Variants in GGT1 observed in about 807,000 individuals in gnomAD.
GGT1 encodes the protein gamma-glutamyltransferase 1.
GGT1 carries 21 observed loss-of-function variants against 56.0 expected under a neutral mutation model. The observed-to-expected ratio is 0.38, with a 90% confidence interval of 0.27 to 0.54. The LOEUF (loss-of-function observed/expected upper bound fraction) is 0.54, where lower values mean the gene tolerates loss of function less well. Ranked by LOEUF, GGT1 falls within the 20% of genes least tolerant of loss-of-function variation. GGT1 has a pLI of 0.82. For synonymous variants in GGT1, 238 were observed against 342.6 expected, an observed-to-expected ratio of 0.69 and a Z score of 3.37; for missense variants, 466 against 787.0, an observed-to-expected ratio of 0.59 and a Z score of 4.88.
chr22:24,588,122 C>T, the GGT1 span: 14 of 1,023,398 alleles, frequency 1.4e-5, no homozygotes, highest in East Asian at 3.5e-4. Flanking sequence ...GGTGGGATTT[C>T]AGCACCAGCC....
At chr22:24,606,261 A>G (rs2877225) in intron 1 of GGT1, among the ~76,000 whole-genome samples, 2 of 150,486 alleles carry the variant, frequency 1.3e-5, no homozygotes, top group Non-Finnish European at 2.9e-5. Flanking sequence ...TACATTAGGT[A>G]TATCTCCTAA....
At chr22:24,592,939 C>A, upstream of GGT1, 1 of 1,232,748 alleles carries the variant, frequency 8.1e-7, no homozygotes, top group Non-Finnish European at 1.0e-6. Context: ...CTCGCGGAGC[C>A]ACCGCACCCG....
At chr22:24,612,238 C>CT (rs1197575914) in intron 5 of GGT1, among the ~76,000 whole-genome samples, 1 of 124,224 alleles carries the variant, frequency 8.0e-6, no homozygotes, top group Non-Finnish European at 1.7e-5. Context: ...CCACGCCCGG[C>CT]TTATTCTTTT....
At chr22:24,589,367 G>A in the GGT1 span, 37 of 1,127,692 alleles carry the variant, frequency 3.3e-5, no homozygotes, top group East Asian at 1.8e-4. Context: ...GCACCCGTCC[G>A]CAAGGGTGTC....
In GGT1 at chr22:24,621,821, C is replaced by T. The variant is rs370192967; in HGVS notation, c.733+751C>T. On this transcript the variant is annotated intron_variant, in intron 9 of 15. Coordinates refer to ENST00000400382, the MANE Select transcript of GGT1 (RefSeq NM_001288833.2). The stretch of plus-strand genomic sequence containing the variant: ...ATCCCAGCACTTTGGGAGGCCGAGG[C>T]GGGTGGATCACCTGAGGTCAGGAGT... Among the ~76,000 whole-genome samples the T allele has an allele frequency of 7.3e-4, 111 of 151,490 alleles. 1 individual carries two copies. Among genetic ancestry groups the T allele is most frequent in the African/African-American group, 2.5e-3 (103 of 41,258 alleles).
At chr22:24,609,173 C>T (rs1160666431) in intron 2 of GGT1, 1 of 152,200 alleles carries the variant, frequency 6.6e-6, no homozygotes, top group Non-Finnish European at 1.5e-5. Context: ...GAGGCAGGGC[C>T]TGTTCTGCAG....
At chr22:24,590,805 A>C (rs1447976750), upstream of GGT1, among the ~76,000 whole-genome samples, 3 of 152,104 alleles carry the variant, frequency 2.0e-5, no homozygotes, top group Non-Finnish European at 4.4e-5. Context: ...GCCCCAGCTC[A>C]GTATAGGGCA....
Position 24,626,615 on chromosome 22 carries a change from C to T in GGT1, c.1021-817C>T, listed in dbSNP as rs527374693. Among the ~76,000 whole-genome samples the T allele has an allele frequency of 6.0e-3, 903 of 151,758 alleles. 3 individuals carry two copies. Among genetic ancestry groups the T allele is most frequent in the African/African-American group, 0.021 (859 of 41,226 alleles). On this transcript the variant is annotated intron_variant, in intron 11 of 15. Coordinates refer to ENST00000400382, the MANE Select transcript of GGT1 (RefSeq NM_001288833.2). ...CTGCAGGGTTTACCTCGCTAGTCGG[C>T]GCCATCCTTGATTCTTCTCTTTCTC...
upstream of GGT1, chr22:24,592,478 A>G: frequency 2.2e-6 from 1 of 455,162 alleles, no homozygotes; most frequent in Admixed American, 2.4e-5. Context: ...AGATGATTTG[A>G]CCTCACTTGC....
chr22:24,592,059 C>T (rs1446395878), upstream of GGT1, among the ~76,000 whole-genome samples: 1 of 152,188 alleles, frequency 6.6e-6, no homozygotes, highest in African/African-American at 2.4e-5. Flanking sequence ...AGGCCGAACA[C>T]CTGCATGGCT....
At chr22:24,611,899 C>T (rs1446097174) in intron 5 of GGT1, among the ~76,000 whole-genome samples, 1 of 152,000 alleles carries the variant, frequency 6.6e-6, no homozygotes, top group Non-Finnish European at 1.5e-5. Context: ...CTCCACCTCC[C>T]AGGTTCAAGT....
rs1322686944 is a variant in GGT1 at position 24,603,392 on chromosome 22, A to G, written c.-564A>G. The G allele has an allele frequency of 6.6e-6, 1 of 152,186 alleles. No homozygotes were observed. Among genetic ancestry groups the G allele is most frequent in the Non-Finnish European group, 1.5e-5 (1 of 68,056 alleles). The allele number at this position is 152,186 out of a possible 1,614,324, so 9.4% of individuals were successfully genotyped here. Reference sequence around the variant, plus strand: ...TGAGTCCCATTCTCAGCTCTGCCATATGCTTGCTGCGCTCTAGAGGAGTTC... The same window carrying G: ...TGAGTCCCATTCTCAGCTCTGCCATGTGCTTGCTGCGCTCTAGAGGAGTTC... On this transcript the variant is annotated 5_prime_UTR_variant, in exon 1 of 16. It adds an upstream start codon to the 5' untranslated region. Transcript: ENST00000400382.
chr22:24,592,932 G>A, upstream of GGT1: 1 of 1,242,032 alleles, frequency 8.1e-7, no homozygotes, highest in South Asian at 2.9e-5. Flanking sequence ...ACTGGATCTC[G>A]CGGAGCCACC....
At chr22:24,606,285 C>G (rs1262190878) in intron 1 of GGT1, among the ~76,000 whole-genome samples, 1 of 150,990 alleles carries the variant, frequency 6.6e-6, no homozygotes, top group African/African-American at 2.4e-5. Flanking sequence ...TATCCCTCCC[C>G]GTTCCCCTCA....
chr22:24,593,818 C>G (rs1366903732), upstream of GGT1, among the ~76,000 whole-genome samples: 1 of 151,994 alleles, frequency 6.6e-6, no homozygotes. Context: ...AAAGAAATCT[C>G]TGCAGCTGGC....
chr22:24,602,769 G>C, upstream of GGT1, among the ~76,000 whole-genome samples: 1 of 152,144 alleles, frequency 6.6e-6, no homozygotes, highest in African/African-American at 2.4e-5. Context: ...GGCCTGTTAG[G>C]AGAGGCATCC....
At position 24,614,792 on chromosome 22, in the gene GGT1, G is replaced by A. The variant is rs760767294; in HGVS notation, c.181G>A (p.Gly61Ser). The change falls in exon 6 of 16, where the codon GGT becomes AGT. Residue 61 changes from glycine (G) to serine (S), a missense_variant. Gly to Ser is a moderately conservative substitution (Grantham distance 56, BLOSUM62 0). Transcript: ENST00000400382. ...SKIGRDALRD[G>S]GSAVDAAIAA... ...ACATGGCAGGGATGCACTGCGGGAC[G>A]GTGGCTCTGCGGTGGATGCAGCCAT... 12 of 1,613,638 alleles carry A rather than the reference G, an allele frequency of 7.4e-6. No individual in the cohort carries two copies. Among genetic ancestry groups the A allele is most frequent in the South Asian group, 3.3e-5 (3 of 91,056 alleles).
chr22:24,592,907 G>A (rs1206992271), upstream of GGT1: 7 of 1,278,712 alleles, frequency 5.5e-6, no homozygotes, highest in South Asian at 2.4e-5. Context: ...TCCGGCCGCC[G>A]CTCGCGGAGC....
chr22:24,584,875 C>T, the GGT1 span, among the ~76,000 whole-genome samples: 3 of 152,036 alleles, frequency 2.0e-5, no homozygotes, highest in Non-Finnish European at 2.9e-5. Context: ...CTGAGGGTGA[C>T]TGTGGCATTA....
Sources: gnomAD v4.1 joint callset for allele counts (sites outside exome capture counted in the v4.1 genomes callset) on GRCh38, gnomAD v4.1.1 for gene constraint, MANE v1.5 for transcripts, NCBI Gene and HGNC (gene_info 2026-07-23, HGNC 2026-07-21) for gene names.